PDE1C: variants seen among roughly 807,000 people sequenced by gnomAD.
PDE1C encodes the protein phosphodiesterase 1C.
Under a neutral mutation model 93.1 loss-of-function variants are expected in PDE1C, and 62 were observed. That is an observed-to-expected ratio of 0.67 (90% CI 0.54 to 0.82). The LOEUF is 0.82. Ranked by LOEUF, PDE1C falls within the 40% of genes least tolerant of loss-of-function variation. The pLI is 0.00. For missense variants in PDE1C, 742 were observed against 884.6 expected (o/e 0.84, Z 2.04); for synonymous variants, 325 against 310.1 (o/e 1.05, Z -0.50).
chr7:32,135,077 AT>A, intron 3 of PDE1C, among the ~76,000 whole-genome samples: 1 of 152,314 alleles, frequency 6.6e-6, no homozygotes, highest in African/African-American at 2.4e-5. Flanking sequence ...AAAAAGGGCA[AT>A]AAGAAGAGGC....
intron 2 of PDE1C, among the ~76,000 whole-genome samples, chr7:31,901,553 T>G (rs1004161790): frequency 1.3e-5 from 2 of 151,178 alleles, no homozygotes; most frequent in African/African-American, 4.8e-5. Context: ...AAGATATAAA[T>G]TTCTCCTCAA....
the PDE1C span, chr7:31,643,621 G>T: frequency 6.2e-7 from 1 of 1,613,968 alleles, no homozygotes; most frequent in South Asian, 1.1e-5. Flanking sequence ...AACAAGACTG[G>T]GGACAAAAGC....
At chr7:31,968,138 G>A (rs558725703) in intron 2 of PDE1C, among the ~76,000 whole-genome samples, 1 of 152,108 alleles carries the variant, frequency 6.6e-6, no homozygotes, top group Non-Finnish European at 1.5e-5. Context: ...GAAATAAAGG[G>A]CATTCAATTA....
At chr7:31,889,820 A>G (rs1798402739) in intron 2 of PDE1C, among the ~76,000 whole-genome samples, 1 of 152,220 alleles carries the variant, frequency 6.6e-6, no homozygotes, top group Non-Finnish European at 1.5e-5. Context: ...ATTTTGAGCA[A>G]TAATATTGAC....
intron 1 of PDE1C, among the ~76,000 whole-genome samples, chr7:32,319,446 A>G (rs1783242013): frequency 9.4e-6 from 1 of 106,798 alleles, no homozygotes; most frequent in Admixed American, 1.2e-4. Flanking sequence ...GCCGTGGGCA[A>G]GCCATCACCG....
chr7:31,800,945 A>C (rs1041341689), intron 16 of PDE1C, among the ~76,000 whole-genome samples: 1 of 151,274 alleles, frequency 6.6e-6, no homozygotes, highest in Admixed American at 6.6e-5. Context: ...AAGTATTTTG[A>C]GCTGAATGTG....
chr7:32,150,423 C>T (rs1212613171), intron 3 of PDE1C, among the ~76,000 whole-genome samples: 1 of 152,164 alleles, frequency 6.6e-6, no homozygotes, highest in South Asian at 2.1e-4. Flanking sequence ...AGCATCCCAG[C>T]CTCCCTTTCT....
intron 2 of PDE1C, among the ~76,000 whole-genome samples, chr7:31,978,639 GCAAC>G (rs1186961537): frequency 6.6e-6 from 1 of 152,188 alleles, no homozygotes; most frequent in Non-Finnish European, 1.5e-5. Context: ...GACCTTCACA[GCAAC>G]CTGTAGATGC....
At chr7:32,349,891 G>A (rs1218708496) in intron 1 of PDE1C, among the ~76,000 whole-genome samples, 1 of 152,180 alleles carries the variant, frequency 6.6e-6, no homozygotes, top group Non-Finnish European at 1.5e-5. Context: ...GCCTCCCAAA[G>A]TGCTGGGATT....
intron 9 of PDE1C, among the ~76,000 whole-genome samples, chr7:31,844,751 C>T (rs1198238724): frequency 1.3e-5 from 2 of 151,958 alleles, no homozygotes; most frequent in Admixed American, 6.6e-5. Flanking sequence ...TCTCTTTTCT[C>T]TCCTTCTGAG....
At chr7:32,365,659 C>T (rs186763506) in intron 1 of PDE1C, among the ~76,000 whole-genome samples, 1 of 152,282 alleles carries the variant, frequency 6.6e-6, no homozygotes, top group Admixed American at 6.5e-5. Flanking sequence ...GGCAATCATG[C>T]TCCTGGCCAG....
intron 16 of PDE1C, among the ~76,000 whole-genome samples, chr7:31,803,627 TA>T (rs1786386519): frequency 6.6e-6 from 1 of 151,878 alleles, no homozygotes; most frequent in African/African-American, 2.4e-5. Context: ...AATTCCCACC[TA>T]TGAGTGAGAA....
chr7:32,278,251 G>A lies in PDE1C; in HGVS notation c.85+20400C>T, dbSNP rs181224912. 5.5e-4 allele frequency among the ~76,000 whole-genome samples: 83 copies of A among 152,260 alleles called. 1 individual carries two copies. Among genetic ancestry groups the A allele is most frequent in the African/African-American group, 1.9e-3 (77 of 41,566 alleles). ...TGCTATAGAAAATCTATTTAGTGGT[G>A]TGGAAAACAGACTCTCCAAGTTCTA... On this transcript the variant is annotated intron_variant, in intron 1 of 18. Transcript: ENST00000396193.
the PDE1C span, among the ~76,000 whole-genome samples, chr7:31,684,074 A>C: frequency 2.6e-5 from 4 of 152,196 alleles, no homozygotes; most frequent in Non-Finnish European, 4.4e-5. Flanking sequence ...AGAACTCTCC[A>C]AGGTATAGAT....
the PDE1C span, chr7:31,643,336 C>A: frequency 6.2e-7 from 1 of 1,613,990 alleles, no homozygotes; most frequent in Non-Finnish European, 8.5e-7. Flanking sequence ...TGCAACTGAC[C>A]TTGCTCAAAC....
chr7:31,909,617 A>G (rs1234785039), intron 2 of PDE1C, among the ~76,000 whole-genome samples: 1 of 152,160 alleles, frequency 6.6e-6, no homozygotes, highest in East Asian at 1.9e-4. Context: ...CATTGTACAA[A>G]ACATAGAATA....
chr7:31,973,313 C>T (rs751105322), intron 2 of PDE1C, among the ~76,000 whole-genome samples: 2 of 152,036 alleles, frequency 1.3e-5, no homozygotes, highest in Non-Finnish European at 2.9e-5. Flanking sequence ...TAACTAAAAA[C>T]TTCCCATATT....
At chr7:32,005,442 G>C (rs1786067308) in intron 2 of PDE1C, among the ~76,000 whole-genome samples, 1 of 150,886 alleles carries the variant, frequency 6.6e-6, no homozygotes, top group African/African-American at 2.4e-5. Flanking sequence ...TGTAGTCCCA[G>C]CTACTCAGGA....
intron 1 of PDE1C, among the ~76,000 whole-genome samples, chr7:32,337,927 T>G (rs936434402): frequency 4.6e-5 from 7 of 152,102 alleles, no homozygotes; most frequent in Non-Finnish European, 1.0e-4. Context: ...GATATTCACA[T>G]GAAAACACAT....
Sources: allele counts gnomAD v4.1 joint callset (sites outside exome capture counted in the v4.1 genomes callset), GRCh38; gene constraint gnomAD v4.1.1; transcripts MANE v1.5; gene names NCBI Gene and HGNC (gene_info 2026-07-23, HGNC 2026-07-21).